The following MAGI2 variants were observed in gnomAD, a reference collection of about 807,000 sequenced individuals.
The protein encoded by MAGI2 is membrane-associated guanylate kinase, WW and PDZ domain-containing protein 2.
MAGI2 carries 35 observed loss-of-function variants against 133.3 expected under a neutral mutation model. The observed-to-expected ratio is 0.26, with a 90% CI of 0.20 to 0.35. The LOEUF is 0.35. Among genes scored for constraint, MAGI2 ranks in the 10% least tolerant of loss-of-function variants. The probability of loss-of-function intolerance (pLI) is 1.00; values close to 1 mark genes in which losing one functional copy is unlikely to be tolerated. For synonymous variants in MAGI2, 729 were observed against 710.6 expected (o/e 1.03, Z -0.41); for missense variants, 1,636 against 1,863.4 (o/e 0.88, Z 2.25).
At chr7:78,675,504 G>A (rs76644636) in intron 2 of MAGI2, among the ~76,000 whole-genome samples, 1,659 of 152,082 alleles carry the variant, frequency 0.011, 33 homozygotes, top group African/African-American at 0.038. Flanking sequence ...AGAAGCTATT[G>A]GTTTGGATTG....
At chr7:78,381,595 T>C (rs1372301619) in intron 6 of MAGI2, among the ~76,000 whole-genome samples, 2 of 152,146 alleles carry the variant, frequency 1.3e-5, no homozygotes, top group African/African-American at 2.4e-5. Flanking sequence ...AGAACTTTTT[T>C]AAATGGAAGG....
chr7:78,124,667 T>C (rs1820790415), intron 20 of MAGI2, among the ~76,000 whole-genome samples: 1 of 151,842 alleles, frequency 6.6e-6, no homozygotes, highest in Non-Finnish European at 1.5e-5. Context: ...AATTCTAGAT[T>C]TTATTCATAC....
At chr7:79,068,229 GGT>G (rs555342761) in intron 1 of MAGI2, among the ~76,000 whole-genome samples, 61 of 152,186 alleles carry the variant, frequency 4.0e-4, no homozygotes, top group African/African-American at 1.4e-3. Context: ...GAATCCATCT[GGT>G]CCTGGACTTC....
At chr7:78,352,266 C>T (rs930596187) in intron 7 of MAGI2, among the ~76,000 whole-genome samples, 2 of 152,062 alleles carry the variant, frequency 1.3e-5, no homozygotes, top group African/African-American at 2.4e-5. Flanking sequence ...AATTATGATG[C>T]AAAACAAGGT....
chr7:79,321,821 C>T (rs1387881014), intron 1 of MAGI2, among the ~76,000 whole-genome samples: 2 of 152,160 alleles, frequency 1.3e-5, no homozygotes, highest in Non-Finnish European at 2.9e-5. Context: ...GTGGACTAGG[C>T]AATGACCTAC....
At chr7:78,955,691 T>C (rs1802245846) in intron 2 of MAGI2, among the ~76,000 whole-genome samples, 1 of 106,464 alleles carries the variant, frequency 9.4e-6, no homozygotes, top group Non-Finnish European at 1.9e-5. Flanking sequence ...CTCCCTCCCT[T>C]TCTCTCTCCC....
chr7:78,847,253 C>G (rs1015190356), intron 2 of MAGI2, among the ~76,000 whole-genome samples: 1 of 151,776 alleles, frequency 6.6e-6, no homozygotes, highest in Non-Finnish European at 1.5e-5. Flanking sequence ...TTTAGGAATA[C>G]AAATATGCCT....
intron 1 of MAGI2, among the ~76,000 whole-genome samples, chr7:79,322,366 C>T: frequency 6.6e-6 from 1 of 152,126 alleles, no homozygotes; most frequent in East Asian, 1.9e-4. Context: ...GACTTTAAAT[C>T]TTCAGAAAGC....
chr7:79,424,778 A>T (rs1286377719), intron 1 of MAGI2, among the ~76,000 whole-genome samples: 1 of 152,198 alleles, frequency 6.6e-6, no homozygotes, highest in Non-Finnish European at 1.5e-5. Context: ...TTTTAAAATA[A>T]TATTTCAATA....
At chr7:78,827,845 A>G (rs928183294) in intron 2 of MAGI2, among the ~76,000 whole-genome samples, 1 of 152,144 alleles carries the variant, frequency 6.6e-6, no homozygotes, top group Non-Finnish European at 1.5e-5. Flanking sequence ...TTATGTTGGT[A>G]TATCACCCTT....
chr7:78,497,976 A>T (rs148096123), intron 5 of MAGI2, among the ~76,000 whole-genome samples: 14 of 152,236 alleles, frequency 9.2e-5, no homozygotes, highest in African/African-American at 3.4e-4. Flanking sequence ...CTTCCCTCAC[A>T]AATCTCTCTC....
intron 1 of MAGI2, among the ~76,000 whole-genome samples, chr7:79,365,786 G>C (rs1842659914): frequency 6.7e-6 from 1 of 149,404 alleles, no homozygotes; most frequent in Admixed American, 6.7e-5. Context: ...CTTGAACCCA[G>C]GTGGTGGAGG....
intron 1 of MAGI2, among the ~76,000 whole-genome samples, chr7:79,022,201 A>G (rs1338558777): frequency 2.0e-5 from 3 of 152,236 alleles, no homozygotes; most frequent in Non-Finnish European, 4.4e-5. Flanking sequence ...TGCAGTAAAA[A>G]TAGAAATTAA....
intron 1 of MAGI2, among the ~76,000 whole-genome samples, chr7:79,179,826 A>G (rs1477865943): frequency 6.6e-6 from 1 of 152,054 alleles, no homozygotes; most frequent in East Asian, 1.9e-4. Flanking sequence ...AGACAACTGG[A>G]AAAAAATCAG....
intron 1 of MAGI2, chr7:79,353,476 C>A (rs1841823022): frequency 2.2e-6 from 1 of 455,974 alleles, no homozygotes; most frequent in Non-Finnish European, 4.4e-6. Context: ...TGAACTGGCA[C>A]CCGCCCTGGT....
chr7:78,462,380 G>T (rs1461447509), intron 6 of MAGI2, among the ~76,000 whole-genome samples: 1 of 152,204 alleles, frequency 6.6e-6, no homozygotes, highest in Non-Finnish European at 1.5e-5. Flanking sequence ...AATGAAAAAT[G>T]TATCGCTATT....
At chr7:78,918,024 C>A (rs1798934336) in intron 2 of MAGI2, among the ~76,000 whole-genome samples, 1 of 152,078 alleles carries the variant, frequency 6.6e-6, no homozygotes, top group African/African-American at 2.4e-5. Context: ...AGAGCTCAAT[C>A]TCCAGGACTC....
intron 2 of MAGI2, among the ~76,000 whole-genome samples, chr7:78,890,906 A>G (rs1796689923): frequency 6.6e-6 from 1 of 152,152 alleles, no homozygotes; most frequent in Admixed American, 6.5e-5. Flanking sequence ...ATAGAGACAC[A>G]AAAAACCCTT....
intron 1 of MAGI2, among the ~76,000 whole-genome samples, chr7:79,164,415 T>C (rs1824721086): frequency 6.6e-6 from 1 of 152,110 alleles, no homozygotes; most frequent in African/African-American, 2.4e-5. Flanking sequence ...GGAAAATTTG[T>C]ATCTGTAAAG....
Sources: gnomAD v4.1 joint callset for allele counts (sites outside exome capture counted in the v4.1 genomes callset) on GRCh38, gnomAD v4.1.1 for gene constraint, MANE v1.5 for transcripts, NCBI Gene and HGNC (gene_info 2026-07-23, HGNC 2026-07-21) for gene names.